The following STARD9 variants were observed in gnomAD, a reference collection of about 807,000 sequenced individuals.
STARD9 encodes the protein StAR related lipid transfer domain containing 9, also known as stAR-related lipid transfer protein 9.
STARD9 carries 346 observed loss-of-function variants against 399.8 expected under a neutral mutation model. The ratio of observed to expected loss-of-function variants is 0.87; its 90% CI spans 0.79 to 0.95. STARD9 has a LOEUF of 0.95. STARD9 is among the 40% of genes least tolerant of loss of function. The probability of loss-of-function intolerance (pLI) is 0.00; values close to 1 mark genes in which losing one functional copy is unlikely to be tolerated. For synonymous variants in STARD9, 2,203 were observed against 2,143.5 expected, an observed-to-expected ratio of 1.03 and a Z score of -0.77; for missense variants, 5,832 against 5,667.5, an observed-to-expected ratio of 1.03 and a Z score of -0.93.
At chr15:42,591,587 T>C (rs1306759162) in intron 3 of STARD9, among the ~76,000 whole-genome samples, 3 of 152,186 alleles carry the variant, frequency 2.0e-5, no homozygotes. Context: ...TACAGGTGGT[T>C]AGTGCTCAAG....
Position 42,690,675 on chromosome 15 carries a change from G to A in STARD9, c.9097G>A (p.Glu3033Lys), listed in dbSNP as rs1353101537. ...CCTTGAGCCCAAAGATGTTAACAGG[G>A]AATTTAGGCTAACAGAGAGCAGCAC... ...HGLEPKDVNR[E>K]FRLTESSTCE... The change falls in exon 23 of 33, where the codon GAA becomes AAA. Residue 3033 changes from glutamate to lysine, a missense_variant. Coordinates refer to ENST00000290607, the MANE Select transcript of STARD9 (RefSeq NM_020759.3). 7 of 1,537,112 alleles carry A rather than the reference G, an allele frequency of 4.6e-6. No individual in the cohort carries two copies. The highest frequency in any genetic ancestry group is 6.1e-6 in the Non-Finnish European group (7 of 1,146,906).
chr15:42,710,057 CTTTT>C (rs1218850356), intron 26 of STARD9, among the ~76,000 whole-genome samples: 1 of 119,912 alleles, frequency 8.3e-6, no homozygotes, highest in Non-Finnish European at 1.8e-5. Flanking sequence ...CATGCCCTGT[CTTTT>C]TTTTTTTTTT....
In STARD9 at chr15:42,688,650, C is replaced by T. The variant is rs1421362180; in HGVS notation, c.7072C>T (p.Leu2358Phe). Residue 2358 changes from leucine to phenylalanine, a missense_variant, in exon 23 of 33, where the codon CTT becomes TTT. Physicochemically the swap from Leu to Phe is conservative, Grantham distance 22 (BLOSUM62 0). Around this residue, in one of 2 missense-constraint regions of STARD9, gnomAD observed 5,828 missense variants for 5,651.1 expected, o/e 1.03. Coordinates refer to ENST00000290607, the MANE Select transcript of STARD9 (RefSeq NM_020759.3). ...HVPVALGISS[L>F]DCVLDLTMLK... ...ACCTGTTGCTCTAGGCATCTCTTCA[C>T]TTGACTGTGTGCTGGATCTCACAAT... 1 of 1,537,638 alleles carries T rather than the reference C, an allele frequency of 6.5e-7. No individual in the cohort carries two copies. The highest frequency in any genetic ancestry group is 8.7e-7 in the Non-Finnish European group (1 of 1,146,998).
chr15:42,691,764 G>C lies in STARD9; in HGVS notation c.10186G>C (p.Asp3396His). 6.5e-7 allele frequency: 1 copy of C among 1,537,208 alleles called. No individual in the cohort carries two copies. The highest frequency in any genetic ancestry group is 8.7e-7 in the Non-Finnish European group (1 of 1,146,910). Residue 3396 changes from aspartate (D) to histidine (H), a missense_variant, in exon 23 of 33, where the codon GAT becomes CAT. Physicochemically the swap from Asp to His is moderately conservative, Grantham distance 81. Around this residue, in one of 2 missense-constraint regions of STARD9, gnomAD observed 5,828 missense variants for 5,651.1 expected, o/e 1.03. Transcript: ENST00000290607. Reference sequence around the variant, plus strand: ...ATCTCGCTTGGATGATGGGACTACCGATCACAGGCACCTGAAGCCTGCCAC... The same window carrying C: ...ATCTCGCTTGGATGATGGGACTACCCATCACAGGCACCTGAAGCCTGCCAC... ...ASSRLDDGTTDHRHLKPATPP... is the reference protein window; with the variant it reads ...ASSRLDDGTTHHRHLKPATPP...
At chr15:42,634,632 A>G (rs2141914874) in intron 3 of STARD9, among the ~76,000 whole-genome samples, 1 of 152,350 alleles carries the variant, frequency 6.6e-6, no homozygotes, top group Non-Finnish European at 1.5e-5. Flanking sequence ...AGAGTCTAGT[A>G]TTGTGTCTAG....
chr15:42,620,560 T>C (rs543633628), intron 3 of STARD9, among the ~76,000 whole-genome samples: 3 of 152,088 alleles, frequency 2.0e-5, no homozygotes, highest in Non-Finnish European at 4.4e-5. Context: ...TCACTGATTG[T>C]CCTAGTAAGA....
In STARD9 at chr15:42,575,715, G is replaced by C; in HGVS notation, c.-1G>C. 1.3e-6 allele frequency: 2 copies of C among 1,536,572 alleles called. No homozygotes were observed. The highest frequency in any genetic ancestry group is 2.4e-5 in the South Asian group (2 of 84,050). ...CGCTGGACTTGGGTTGTGGCAGACGGATGGCGAACGTGCAGGTCGCCGTGC... is the reference window on the plus strand; with the variant it reads ...CGCTGGACTTGGGTTGTGGCAGACGCATGGCGAACGTGCAGGTCGCCGTGC... On this transcript the variant is annotated 5_prime_UTR_variant, in exon 1 of 33. Coordinates refer to ENST00000290607, the MANE Select transcript of STARD9 (RefSeq NM_020759.3).
rs1595835009 is a variant in STARD9 at position 42,716,780 on chromosome 15, T to C, written c.13372+16T>C. 5 of 1,532,490 alleles carry C rather than the reference T, an allele frequency of 3.3e-6. No homozygotes were observed. Among genetic ancestry groups the C allele is most frequent in the Non-Finnish European group, 4.4e-6 (5 of 1,143,180 alleles). The allele number at this position is 1,532,490 out of a possible 1,614,324, so 94.9% of individuals were successfully genotyped here. A position where few individuals can be genotyped will look rare whatever the true frequency, so the allele number is the denominator to read the frequency against. On this transcript the variant is annotated intron_variant, in intron 27 of 32. Transcript: ENST00000290607. Reference sequence around the variant, plus strand: ...TCTGCCTACAGTGAGTTGCGGGGAGTGTTGGGCATAGCCAGCTGCCTGGTT... The same window carrying C: ...TCTGCCTACAGTGAGTTGCGGGGAGCGTTGGGCATAGCCAGCTGCCTGGTT...
chr15:42,591,782 A>G (rs1166026062), intron 3 of STARD9, among the ~76,000 whole-genome samples: 2 of 152,230 alleles, frequency 1.3e-5, no homozygotes, highest in African/African-American at 4.8e-5. Context: ...ACTAGGGACT[A>G]CTAGAGGACA....
At chr15:42,647,145 G>A (rs1007953123) in intron 7 of STARD9, among the ~76,000 whole-genome samples, 1 of 152,202 alleles carries the variant, frequency 6.6e-6, no homozygotes, top group South Asian at 2.1e-4. Context: ...AGCACAGTTT[G>A]ATTTGTAGCC....
In STARD9 at chr15:42,719,630, A is replaced by C; in HGVS notation, c.*56A>C. On this transcript the variant is annotated 3_prime_UTR_variant, in exon 33 of 33. Coordinates refer to ENST00000290607, the MANE Select transcript of STARD9 (RefSeq NM_020759.3). Reference sequence around the variant, plus strand: ...TGCAGGCCCAGGCTGCTCAAGAGAGACACTGTGGCAGCTCCTTGTTACTTT... The same window carrying C: ...TGCAGGCCCAGGCTGCTCAAGAGAGCCACTGTGGCAGCTCCTTGTTACTTT... 8.9e-7 allele frequency: 1 copy of C among 1,126,246 alleles called. No homozygotes were observed. The highest frequency in any genetic ancestry group is 2.1e-5 in the Admixed American group (1 of 47,028). 69.8% of individuals were successfully genotyped at this position (1,126,246 alleles called of 1,614,324 possible). A position where few individuals can be genotyped will look rare whatever the true frequency, so the allele number is the denominator to read the frequency against.
chr15:42,630,620 A>C (rs1243215833), intron 3 of STARD9, among the ~76,000 whole-genome samples: 1 of 151,930 alleles, frequency 6.6e-6, no homozygotes, highest in Non-Finnish European at 1.5e-5. Flanking sequence ...TTACTGTTCT[A>C]TTCAGGTTTT....
At chr15:42,607,481 G>C (rs575720904) in intron 3 of STARD9, among the ~76,000 whole-genome samples, 1 of 151,872 alleles carries the variant, frequency 6.6e-6, no homozygotes, top group Admixed American at 6.6e-5. Flanking sequence ...GGGATGACAG[G>C]TGTGAGCCAC....
intron 26 of STARD9, among the ~76,000 whole-genome samples, chr15:42,711,869 C>G (rs573461660): frequency 6.7e-6 from 1 of 149,300 alleles, no homozygotes; most frequent in Non-Finnish European, 1.5e-5. Context: ...CATAGAGGAA[C>G]TGCCAGACTG....
intron 10 of STARD9, among the ~76,000 whole-genome samples, chr15:42,661,954 TTATTTTTTCTTTA>T (rs1450763955): frequency 6.6e-6 from 1 of 152,208 alleles, no homozygotes; most frequent in Admixed American, 6.5e-5. Context: ...AATATTGATT[TTATTTTTTCTTTA>T]ATATTGATTT....
rs949516200 is a variant in STARD9, at chr15:42,693,148, GCAGTCC to G, written c.11580_11585del (p.Pro3861_Ser3862del). The stretch of plus-strand genomic sequence containing the variant: ...GAGGAGTCATATTGCTTAGTTGTCA[GCAGTCC>G]CAGTCCCAGCTCCCCTCATTCCCCA... On this transcript the variant is annotated inframe_deletion, in exon 23 of 33. Transcript: ENST00000290607. The G allele has an allele frequency of 1.8e-5, 28 of 1,537,014 alleles. No individual in the cohort carries two copies. The Admixed American group carries it at 5.3e-4, about 29-fold the overall frequency.
At position 42,690,812 on chromosome 15, in the gene STARD9, C is replaced by T. The variant is rs1165851770; in HGVS notation, c.9234C>T (p.Ser3078=). The change falls in exon 23 of 33, where the codon AGC becomes AGT. Residue 3078 remains serine (S), a synonymous_variant. Transcript: ENST00000290607. ...TCAGCCACTCAGCTACTGATGGAAG[C>T]GTGGGGTTAATAGGGGTTCCTGAGA... ...GSFSHSATDG[S]VGLIGVPEKK... 7.2e-6 allele frequency: 11 copies of T among 1,537,024 alleles called. No individual in the cohort carries two copies. The highest frequency in any genetic ancestry group is 4.9e-5 in the East Asian group (2 of 40,928).
Position 42,693,368 on chromosome 15 carries a change from C to T in STARD9, c.11790C>T (p.Gly3930=), listed in dbSNP as rs1298320824. ...LSAPSTHPVE[G]HQKLDSSPDP... is the part of the protein sequence containing the mutation. The stretch of plus-strand genomic sequence containing the variant: ...CCCCTTCAACTCACCCTGTTGAAGG[C>T]CACCAGAAGCTTGACTCCAGCCCAG... Residue 3930 remains glycine, a synonymous_variant, in exon 23 of 33, where the codon GGC becomes GGT. Transcript: ENST00000290607. 1 of 1,537,170 alleles carries T rather than the reference C, an allele frequency of 6.5e-7. No homozygotes were observed. Among genetic ancestry groups the T allele is most frequent in the South Asian group, 1.2e-5 (1 of 84,056 alleles).
Position 42,674,816 on chromosome 15 carries a change from C to G in STARD9, c.1550-11C>G, listed in dbSNP as rs2060276375. 4 of 1,513,660 alleles carry G rather than the reference C, an allele frequency of 2.6e-6. No individual in the cohort carries two copies. Among genetic ancestry groups the G allele is most frequent in the Non-Finnish European group, 2.6e-6 (3 of 1,136,062 alleles). The allele number at this position is 1,513,660 out of a possible 1,614,324, so 93.8% of individuals were successfully genotyped here. The stretch of plus-strand genomic sequence containing the variant: ...GTCCTCCCACCCAAGTGACCACCAC[C>G]TCTTTTGTAGTCCTGCAGGGTCAGT... On this transcript the variant is annotated splice_polypyrimidine_tract_variant and intron_variant, in intron 17 of 32. Transcript: ENST00000290607.
Sources: gnomAD v4.1 joint callset for allele counts (sites outside exome capture counted in the v4.1 genomes callset) on GRCh38, gnomAD v4.1.1 for gene constraint, gnomAD v4.1.1 regional missense constraint, MANE v1.5 for transcripts, NCBI Gene and HGNC (gene_info 2026-07-23, HGNC 2026-07-21) for gene names.